SYN3: variants seen among roughly 807,000 people sequenced by gnomAD.
SYN3 encodes synapsin-3.
In SYN3, 35 loss-of-function variants were observed where a neutral mutation model predicts 65.8. That is an observed-to-expected ratio of 0.53 (90% CI 0.41 to 0.70). The LOEUF (loss-of-function observed/expected upper bound fraction) is 0.70. Among genes scored for constraint, SYN3 ranks in the 30% least tolerant of loss-of-function variants. The pLI is 0.00. For missense variants in SYN3, 680 were observed against 749.0 expected, an observed-to-expected ratio of 0.91 and a Z score of 1.08; for synonymous variants, 270 against 292.9, an observed-to-expected ratio of 0.92 and a Z score of 0.80.
chr22:32,885,383 T>C (rs1178848080), intron 4 of SYN3, among the ~76,000 whole-genome samples: 2 of 152,200 alleles, frequency 1.3e-5, no homozygotes. Flanking sequence ...GGATGGACTT[T>C]TGTTCTCATA....
intron 3 of SYN3, among the ~76,000 whole-genome samples, chr22:32,940,924 C>T (rs966668546): frequency 3.3e-5 from 5 of 152,158 alleles, no homozygotes; most frequent in African/African-American, 9.7e-5. Context: ...CTGCAAAATA[C>T]ACATGGACAC....
chr22:32,983,810 G>C (rs241709), intron 2 of SYN3, among the ~76,000 whole-genome samples: 2 of 151,956 alleles, frequency 1.3e-5, no homozygotes, highest in African/African-American at 4.8e-5. Context: ...GAAACCTATG[G>C]GTCATATGTC....
intron 4 of SYN3, among the ~76,000 whole-genome samples, chr22:32,877,240 C>T (rs115972750): frequency 6.6e-6 from 1 of 152,192 alleles, no homozygotes; most frequent in Non-Finnish European, 1.5e-5. Context: ...CTAATTATAA[C>T]TAAAACACAA....
intron 6 of SYN3, chr22:32,858,204 C>A (rs2048429953): frequency 6.3e-7 from 1 of 1,598,642 alleles, no homozygotes; most frequent in Admixed American, 1.7e-5. Flanking sequence ...AACATCAGCT[C>A]CCAATGCACT....
rs55662304 is a variant in SYN3 at position 32,824,226 on chromosome 22, C to T, written c.711+40689G>A. ...TTGGGAGGTGGAGGTTGCAGTGAGA[C>T]GACACCTCGCCACTGCACTCCAGCC... On this transcript the variant is annotated intron_variant, in intron 6 of 13. Transcript: ENST00000358763. Among the ~76,000 whole-genome samples the T allele has an allele frequency of 3.6e-3, 530 of 148,504 alleles. 3 individuals carry two copies. The highest frequency in any genetic ancestry group is 5.1e-3 in the South Asian group (24 of 4,704).
intron 7 of SYN3, among the ~76,000 whole-genome samples, chr22:32,543,744 G>A (rs942084124): frequency 1.3e-5 from 2 of 152,072 alleles, no homozygotes; most frequent in East Asian, 3.9e-4. Flanking sequence ...GTGAAACCTG[G>A]GTAGCCGTGA....
intron 1 of SYN3, among the ~76,000 whole-genome samples, chr22:33,032,329 G>T (rs924542064): frequency 6.6e-6 from 1 of 151,984 alleles, no homozygotes; most frequent in Non-Finnish European, 1.5e-5. Context: ...CCAACATGGC[G>T]AAACTCTGTC....
intron 1 of SYN3, among the ~76,000 whole-genome samples, chr22:33,051,566 C>CA (rs5845060): frequency 1.2e-4 from 18 of 150,884 alleles, no homozygotes; most frequent in African/African-American, 1.7e-4. Context: ...TAAACACAAA[C>CA]AAAAAAAAAA....
chr22:32,952,268 C>T (rs912011908), intron 3 of SYN3, among the ~76,000 whole-genome samples: 1 of 150,408 alleles, frequency 6.6e-6, no homozygotes, highest in African/African-American at 2.5e-5. Context: ...TGTGTGTGCG[C>T]ACACGCATGT....
intron 4 of SYN3, among the ~76,000 whole-genome samples, chr22:32,878,953 G>A (rs1348514296): frequency 6.6e-6 from 1 of 152,084 alleles, no homozygotes; most frequent in Non-Finnish European, 1.5e-5. Context: ...CTAAATCTGG[G>A]TATTTATGTG....
intron 11 of SYN3, 91 bp from the exon 12 acceptor site, chr22:32,528,096 A>G: frequency 2.0e-6 from 2 of 1,006,316 alleles, no homozygotes; most frequent in Non-Finnish European, 2.9e-6. Context: ...TCTTTTTATC[A>G]TTGAGAAGAG....
chr22:32,637,995 GT>G (rs1401624428), intron 6 of SYN3, among the ~76,000 whole-genome samples: 2 of 152,074 alleles, frequency 1.3e-5, no homozygotes, highest in African/African-American at 2.4e-5. Context: ...TAGTAGTTCA[GT>G]GACTATTGTT....
intron 3 of SYN3, among the ~76,000 whole-genome samples, chr22:32,963,788 G>A (rs779939623): frequency 4.6e-5 from 7 of 152,138 alleles, no homozygotes; most frequent in African/African-American, 4.8e-5. Context: ...AGACATTGAG[G>A]AGCCTGCACC....
intron 4 of SYN3, among the ~76,000 whole-genome samples, chr22:32,920,357 T>C (rs1160756272): frequency 1.3e-5 from 2 of 152,206 alleles, no homozygotes; most frequent in Non-Finnish European, 2.9e-5. Flanking sequence ...GGGGCCAGGC[T>C]AGAATTTGGG....
chr22:32,823,351 A>T (rs533849060), intron 6 of SYN3, among the ~76,000 whole-genome samples: 2 of 152,058 alleles, frequency 1.3e-5, no homozygotes, highest in Non-Finnish European at 2.9e-5. Flanking sequence ...GCCGCAAGGG[A>T]TGTTTCTGTT....
At chr22:32,951,877 C>T (rs569927557) in intron 3 of SYN3, among the ~76,000 whole-genome samples, 1 of 152,242 alleles carries the variant, frequency 6.6e-6, no homozygotes, top group Non-Finnish European at 1.5e-5. Context: ...CATCTGTCAG[C>T]GAAGCCCATG....
chr22:32,591,359 CA>C (rs2059125579), intron 7 of SYN3, among the ~76,000 whole-genome samples: 2 of 152,108 alleles, frequency 1.3e-5, no homozygotes, highest in Admixed American at 6.5e-5. Context: ...GATGTTCTTA[CA>C]AATTAATAAA....
chr22:32,700,560 T>TC (rs2147197704), intron 6 of SYN3, among the ~76,000 whole-genome samples: 1 of 150,940 alleles, frequency 6.6e-6, no homozygotes, highest in East Asian at 2.0e-4. Context: ...AAAAAAGGAG[T>TC]CCCCAACAGC....
chr22:32,773,241 C>T, intron 6 of SYN3, among the ~76,000 whole-genome samples: 1 of 151,728 alleles, frequency 6.6e-6, no homozygotes, highest in East Asian at 1.9e-4. Context: ...AACCCTGTCT[C>T]TACTAAAATA....
Sources: gnomAD v4.1 joint callset for allele counts (sites outside exome capture counted in the v4.1 genomes callset) on GRCh38, gnomAD v4.1.1 for gene constraint, MANE v1.5 for transcripts, NCBI Gene and HGNC (gene_info 2026-07-23, HGNC 2026-07-21) for gene names.